SHANK2: variants seen among roughly 807,000 people sequenced by gnomAD.
SHANK2 encodes the protein SH3 and multiple ankyrin repeat domains 2.
Under a neutral mutation model 133.7 loss-of-function variants are expected in SHANK2, and 43 were observed. The ratio of observed to expected loss-of-function variants is 0.32; its 90% CI spans 0.25 to 0.41. The LOEUF (loss-of-function observed/expected upper bound fraction) is 0.41. SHANK2 is among the 10% of genes least tolerant of loss of function. The pLI, the probability that SHANK2 is intolerant of heterozygous loss-of-function variation, is 1.00. For missense variants in SHANK2, 1,994 were observed against 2,235.8 expected (o/e 0.89, Z 2.18); for synonymous variants, 1,017 against 952.8 (o/e 1.07, Z -1.24).
chr11:70,547,565 G>A (rs1036595546), intron 17 of SHANK2, among the ~76,000 whole-genome samples: 1 of 152,022 alleles, frequency 6.6e-6, no homozygotes, highest in Admixed American at 6.6e-5. Context: ...CTGTCCTATC[G>A]CTTTAACTTC....
At chr11:70,596,503 G>A (rs1554989587) in intron 17 of SHANK2, among the ~76,000 whole-genome samples, 1 of 152,208 alleles carries the variant, frequency 6.6e-6, no homozygotes, top group African/African-American at 2.4e-5. Flanking sequence ...TCCTGGTCTG[G>A]GACCCACCCC....
At chr11:70,695,092 G>C (rs1237117778) in intron 15 of SHANK2, among the ~76,000 whole-genome samples, 1 of 152,172 alleles carries the variant, frequency 6.6e-6, no homozygotes, top group Non-Finnish European at 1.5e-5. Flanking sequence ...CCACTCATCT[G>C]AGGTTCCTAG....
chr11:70,533,564 C>A (rs974264747), intron 17 of SHANK2, among the ~76,000 whole-genome samples: 1 of 152,174 alleles, frequency 6.6e-6, no homozygotes, highest in Admixed American at 6.5e-5. Context: ...TTCCCTCTGC[C>A]GCAGCCATGC....
intron 11 of SHANK2, among the ~76,000 whole-genome samples, chr11:70,874,250 CTCTAA>C (rs782569441): frequency 1.3e-5 from 2 of 152,056 alleles, no homozygotes; most frequent in African/African-American, 2.4e-5. Context: ...CCAGCTATCC[CTCTAA>C]TCTAATCTAA....
intron 2 of SHANK2, among the ~76,000 whole-genome samples, chr11:71,182,801 C>G (rs1660915280): frequency 6.6e-6 from 1 of 152,172 alleles, no homozygotes. Flanking sequence ...CCCTCTGGTA[C>G]AAACGGCAGA....
intron 11 of SHANK2, among the ~76,000 whole-genome samples, chr11:70,855,057 A>G (rs1949148665): frequency 6.6e-6 from 1 of 152,198 alleles, no homozygotes; most frequent in Non-Finnish European, 1.5e-5. Context: ...GGACACTCTC[A>G]GTGACCTGCT....
At chr11:70,651,680 C>A (rs2061340955) in intron 17 of SHANK2, among the ~76,000 whole-genome samples, 1 of 152,174 alleles carries the variant, frequency 6.6e-6, no homozygotes, top group Admixed American at 6.5e-5. Flanking sequence ...GACAGAAACA[C>A]CCCACACTCA....
chr11:70,480,280 T>A (rs2058717257), intron 25 of SHANK2, among the ~76,000 whole-genome samples: 1 of 152,230 alleles, frequency 6.6e-6, no homozygotes, highest in Admixed American at 6.5e-5. Flanking sequence ...GGCTCCTTTT[T>A]AAATTTCTGG....
intron 2 of SHANK2, among the ~76,000 whole-genome samples, chr11:71,193,992 G>C (rs1169865600): frequency 2.0e-5 from 3 of 152,196 alleles, no homozygotes; most frequent in Non-Finnish European, 4.4e-5. Flanking sequence ...GCTTCAACCT[G>C]TGAATTTGCG....
intron 17 of SHANK2, among the ~76,000 whole-genome samples, chr11:70,627,935 C>G (rs541617974): frequency 4.1e-4 from 62 of 152,232 alleles, no homozygotes; most frequent in African/African-American, 1.5e-3. Context: ...TATACAAGGT[C>G]AACATGCCTA....
chr11:71,223,049 G>T (rs1329196910), intron 2 of SHANK2, among the ~76,000 whole-genome samples: 5 of 152,382 alleles, frequency 3.3e-5, no homozygotes, highest in African/African-American at 1.2e-4. Flanking sequence ...GACAGCAGAG[G>T]CTAGAGAGGG....
At chr11:70,826,537 A>G (rs1256013387) in intron 11 of SHANK2, 1 of 471,152 alleles carries the variant, frequency 2.1e-6, no homozygotes, top group African/African-American at 2.0e-5. Context: ...TCCGCTCATT[A>G]TATAACCTTC....
At chr11:70,540,022 G>T (rs1312223249) in intron 17 of SHANK2, among the ~76,000 whole-genome samples, 1 of 152,074 alleles carries the variant, frequency 6.6e-6, no homozygotes, top group Non-Finnish European at 1.5e-5. Flanking sequence ...GCCTGTCTGC[G>T]CCCAAACCTC....
At chr11:70,928,233 C>A (rs1289627497) in intron 10 of SHANK2, among the ~76,000 whole-genome samples, 2 of 152,092 alleles carry the variant, frequency 1.3e-5, no homozygotes, top group African/African-American at 4.8e-5. Context: ...GAGACCCCAG[C>A]CATGGAGCTG....
chr11:71,181,739 A>G (rs1347701407), intron 2 of SHANK2, among the ~76,000 whole-genome samples: 1 of 152,132 alleles, frequency 6.6e-6, no homozygotes, highest in African/African-American at 2.4e-5. Flanking sequence ...AAAGAGCCGC[A>G]GGTGTGGGGA....
intron 17 of SHANK2, among the ~76,000 whole-genome samples, chr11:70,598,302 T>TG (rs2060428896): frequency 6.6e-6 from 1 of 152,068 alleles, no homozygotes; most frequent in Non-Finnish European, 1.5e-5. Context: ...AGGCTGGAAA[T>TG]GGAGGCTTGG....
At chr11:71,119,578 C>CA (rs55759811) in intron 3 of SHANK2, among the ~76,000 whole-genome samples, 96,229 of 134,508 alleles carry the variant, frequency 0.72, 35,852 homozygotes, top group Non-Finnish European at 0.83. Flanking sequence ...GACTCCATCT[C>CA]AAAAAAAAAA....
At chr11:71,078,647 A>G (rs1452963863) in intron 8 of SHANK2, among the ~76,000 whole-genome samples, 1 of 152,236 alleles carries the variant, frequency 6.6e-6, no homozygotes, top group Non-Finnish European at 1.5e-5. Flanking sequence ...GCAGCTTTCC[A>G]TAAGACACGC....
intron 3 of SHANK2, among the ~76,000 whole-genome samples, chr11:71,136,346 G>A (rs573906183): frequency 2.0e-5 from 3 of 152,180 alleles, no homozygotes; most frequent in Non-Finnish European, 4.4e-5. Flanking sequence ...CAGCAACAGG[G>A]ATGGAACTGG....
Sources: allele counts gnomAD v4.1 joint callset (sites outside exome capture counted in the v4.1 genomes callset), GRCh38; gene constraint gnomAD v4.1.1; transcripts MANE v1.5; gene names NCBI Gene and HGNC (gene_info 2026-07-23, HGNC 2026-07-21).